The following NOL10 variants were observed in gnomAD, a reference collection of about 807,000 sequenced individuals.
The protein encoded by NOL10 is H_NH0074G24.1.
In NOL10, 58 loss-of-function variants were observed where a neutral mutation model predicts 103.5. The observed-to-expected ratio is 0.56, with a 90% CI of 0.45 to 0.70. The LOEUF is 0.70. Ranked by LOEUF, NOL10 falls within the 30% of genes least tolerant of loss-of-function variation. The pLI, the probability that NOL10 is intolerant of heterozygous loss-of-function variation, is 0.00. For missense variants in NOL10, 763 were observed against 807.3 expected (o/e 0.95, Z 0.67); for synonymous variants, 287 against 282.5 (o/e 1.02, Z -0.16).
At chr2:10,598,104 C>T (rs935902863) in intron 17 of NOL10, among the ~76,000 whole-genome samples, 11 of 152,272 alleles carry the variant, frequency 7.2e-5, no homozygotes, top group East Asian at 5.8e-4. Flanking sequence ...CCCAACAAGA[C>T]GGTTCAAATT....
intron 19 of NOL10, among the ~76,000 whole-genome samples, chr2:10,583,420 C>T (rs6751075): frequency 3.3e-5 from 5 of 151,958 alleles, no homozygotes; most frequent in Admixed American, 6.6e-5. Context: ...ACACAATAAA[C>T]GCTGGTATCT....
chr2:10,682,879 G>C (rs1681879151), intron 2 of NOL10, among the ~76,000 whole-genome samples: 1 of 152,108 alleles, frequency 6.6e-6, no homozygotes, highest in African/African-American at 2.4e-5. Flanking sequence ...CCACCTCCCA[G>C]GTTCAAGCAA....
intron 20 of NOL10, among the ~76,000 whole-genome samples, chr2:10,574,938 T>G (rs1410855359): frequency 6.6e-6 from 1 of 152,224 alleles, no homozygotes; most frequent in Non-Finnish European, 1.5e-5. Flanking sequence ...CAGACAAATT[T>G]CCATGCAGAA....
At chr2:10,634,674 G>A (rs919754919) in intron 13 of NOL10, 22 of 452,710 alleles carry the variant, frequency 4.9e-5, no homozygotes, top group Non-Finnish European at 8.4e-5. Context: ...AAGAGACAAG[G>A]ACTAAGTCCT....
intron 19 of NOL10, among the ~76,000 whole-genome samples, chr2:10,583,566 A>G (rs1378897598): frequency 1.3e-5 from 2 of 152,140 alleles, no homozygotes; most frequent in African/African-American, 4.8e-5. Context: ...TTAGCCTTAA[A>G]CCTATTTTGC....
intron 13 of NOL10, among the ~76,000 whole-genome samples, chr2:10,627,904 T>A (rs964281863): frequency 1.3e-5 from 2 of 151,960 alleles, no homozygotes; most frequent in African/African-American, 2.4e-5. Context: ...GTTAAAATTT[T>A]AAAAAATAAA....
intron 13 of NOL10, among the ~76,000 whole-genome samples, chr2:10,622,669 GTCA>G (rs1677216729): frequency 6.6e-6 from 1 of 152,136 alleles, no homozygotes; most frequent in South Asian, 2.1e-4. Context: ...GAGCACTCAA[GTCA>G]GTACTAGTGC....
intron 19 of NOL10, among the ~76,000 whole-genome samples, chr2:10,586,216 T>C (rs925299179): frequency 3.3e-5 from 5 of 152,260 alleles, no homozygotes; most frequent in Non-Finnish European, 5.9e-5. Flanking sequence ...CAGAACTCTG[T>C]GAATATACTA....
At chr2:10,583,157 C>T (rs10929681) in intron 19 of NOL10, among the ~76,000 whole-genome samples, 52,311 of 152,108 alleles carry the variant, frequency 0.34, 9,432 homozygotes, top group Non-Finnish European at 0.4. Context: ...ACTCCAGTAT[C>T]TTTACTGTCC....
intron 13 of NOL10, among the ~76,000 whole-genome samples, chr2:10,642,655 A>G (rs1678778400): frequency 6.6e-6 from 1 of 151,774 alleles, no homozygotes; most frequent in Non-Finnish European, 1.5e-5. Context: ...CTACTGTCCA[A>G]CCTGGGAAAG....
intron 13 of NOL10, among the ~76,000 whole-genome samples, chr2:10,627,695 C>CA (rs1314105510): frequency 7.3e-4 from 101 of 138,904 alleles, no homozygotes; most frequent in African/African-American, 2.6e-3. Flanking sequence ...AACAAACAAA[C>CA]AAACAAAAAA....
At chr2:10,634,712 GGA>G (rs1678083250) in intron 13 of NOL10, among the ~76,000 whole-genome samples, 1 of 152,190 alleles carries the variant, frequency 6.6e-6, no homozygotes, top group African/African-American at 2.4e-5. Context: ...AGAGGTCAGG[GGA>G]GAGAGGCAAG....
At chr2:10,651,807 G>A (rs1679482993) in intron 12 of NOL10, among the ~76,000 whole-genome samples, 1 of 152,154 alleles carries the variant, frequency 6.6e-6, no homozygotes, top group Non-Finnish European at 1.5e-5. Flanking sequence ...AGCATCCTCA[G>A]CTGCAATCTA....
chr2:10,665,197 T>G (rs536507100), intron 8 of NOL10, among the ~76,000 whole-genome samples: 1 of 152,220 alleles, frequency 6.6e-6, no homozygotes, highest in East Asian at 1.9e-4. Flanking sequence ...TCTAGTCTTC[T>G]ATGTCTTCTC....
chr2:10,572,521 G>GAA (rs1209918729), intron 20 of NOL10, among the ~76,000 whole-genome samples: 2 of 152,124 alleles, frequency 1.3e-5, no homozygotes, highest in African/African-American at 4.8e-5. Context: ...CAACCACTGG[G>GAA]ATGTTTTAAA....
At chr2:10,572,837 C>T (rs541640083) in intron 20 of NOL10, among the ~76,000 whole-genome samples, 159 of 152,228 alleles carry the variant, frequency 1.0e-3, no homozygotes, top group Non-Finnish European at 2.1e-3. Context: ...TGTGGACTCT[C>T]GGGCTGACTG....
At chr2:10,587,080 T>TATATATACATATATATAC (rs1675085059) in intron 19 of NOL10, among the ~76,000 whole-genome samples, 1 of 46,158 alleles carries the variant, frequency 2.2e-5, no homozygotes, top group African/African-American at 8.4e-5. Context: ...TATATATACA[T>TATATATACATATATATAC]ATATATACAT....
intron 1 of NOL10, among the ~76,000 whole-genome samples, chr2:10,685,501 CCCCCCCGCCAA>C (rs1223734903): frequency 3.8e-4 from 6 of 15,586 alleles, no homozygotes; most frequent in East Asian, 1.9e-3. Flanking sequence ...CCCCCCCCCC[CCCCCCCGCCAA>C]AAAAAAAGAA....
intron 8 of NOL10, among the ~76,000 whole-genome samples, chr2:10,664,338 G>T (rs886920461): frequency 6.6e-6 from 1 of 152,234 alleles, no homozygotes; most frequent in East Asian, 1.9e-4. Context: ...TGAGGCAAGA[G>T]AATCGCTTGA....
Sources: allele counts gnomAD v4.1 joint callset (sites outside exome capture counted in the v4.1 genomes callset), GRCh38; gene constraint gnomAD v4.1.1; transcripts MANE v1.5; gene names NCBI Gene and HGNC (gene_info 2026-07-23, HGNC 2026-07-21).